Variants in ADGB observed in about 807,000 individuals in gnomAD.
ADGB encodes the protein calpain-7-like protein.
In ADGB, 172 loss-of-function variants were observed where a neutral mutation model predicts 210.5. The observed-to-expected ratio is 0.82, with a 90% CI of 0.72 to 0.93. The LOEUF (loss-of-function observed/expected upper bound fraction) is 0.93, where lower values mean the gene tolerates loss of function less well. Ranked by LOEUF, ADGB falls within the 40% of genes least tolerant of loss-of-function variation. ADGB has a pLI of 0.00. For missense variants in ADGB, 2,025 were observed against 1,964.8 expected (o/e 1.03, Z -0.58); for synonymous variants, 658 against 662.7 (o/e 0.99, Z 0.11).
intron 1 of ADGB, among the ~76,000 whole-genome samples, chr6:146,617,516 A>C (rs1188458071): frequency 6.6e-6 from 1 of 152,100 alleles, no homozygotes; most frequent in East Asian, 1.9e-4. Flanking sequence ...GTCTTGTTCC[A>C]GATATTAGAG....
intron 1 of ADGB, among the ~76,000 whole-genome samples, chr6:146,626,399 C>T (rs1385276923): frequency 2.6e-5 from 4 of 151,772 alleles, no homozygotes; most frequent in Non-Finnish European, 5.9e-5. Flanking sequence ...CATCTGCTAT[C>T]ATTTTTCTTC....
chr6:146,683,677 G>T (rs75379055), intron 9 of ADGB, among the ~76,000 whole-genome samples: 6,617 of 151,942 alleles, frequency 0.044, 392 homozygotes, highest in African/African-American at 0.14. Context: ...TAAAGTTATT[G>T]TTTTCTAAGA....
intron 12 of ADGB, among the ~76,000 whole-genome samples, chr6:146,700,651 A>G (rs1230223766): frequency 2.0e-5 from 3 of 152,116 alleles, no homozygotes; most frequent in East Asian, 3.9e-4. Context: ...CACATATCAA[A>G]TTTCTGTTTT....
intron 3 of ADGB, among the ~76,000 whole-genome samples, chr6:146,646,963 A>T (rs1326721462): frequency 2.6e-5 from 4 of 151,792 alleles, no homozygotes; most frequent in South Asian, 2.1e-4. Context: ...GTAATGCATG[A>T]CTGTAATCCC....
chr6:146,642,188 C>T (rs936691280), intron 2 of ADGB, among the ~76,000 whole-genome samples: 4 of 151,066 alleles, frequency 2.6e-5, no homozygotes, highest in Admixed American at 6.6e-5. Context: ...TTAGAAATAC[C>T]ATTTCACACC....
chr6:146,669,258 G>A (rs1775975237), intron 7 of ADGB, among the ~76,000 whole-genome samples: 1 of 152,096 alleles, frequency 6.6e-6, no homozygotes, highest in South Asian at 2.1e-4. Context: ...GGGATGAATA[G>A]GAGGCAGTTC....
At chr6:146,698,214 A>G (rs747836704) in intron 12 of ADGB, among the ~76,000 whole-genome samples, 1 of 152,344 alleles carries the variant, frequency 6.6e-6, no homozygotes, top group East Asian at 1.9e-4. Context: ...GCAAGTGTAC[A>G]TTCATTGTTT....
At chr6:146,813,855 T>C (rs578192513) in intron 35 of ADGB, among the ~76,000 whole-genome samples, 2 of 152,296 alleles carry the variant, frequency 1.3e-5, no homozygotes, top group South Asian at 4.1e-4. Context: ...CACTCCCATT[T>C]ATGTGTGAGG....
chr6:146,732,163 C>A (rs1452154115), intron 20 of ADGB, among the ~76,000 whole-genome samples: 1 of 152,198 alleles, frequency 6.6e-6, no homozygotes, highest in African/African-American at 2.4e-5. Context: ...TATAATGCAA[C>A]TCTTGATCCA....
At chr6:146,631,971 A>C (rs1393556737) in intron 1 of ADGB, among the ~76,000 whole-genome samples, 15 of 151,750 alleles carry the variant, frequency 9.9e-5, no homozygotes, top group South Asian at 8.3e-4. Flanking sequence ...ATTAAAAAAA[A>C]AAAAAAACAA....
intron 33 of ADGB, among the ~76,000 whole-genome samples, chr6:146,790,695 G>A (rs1278714373): frequency 6.6e-6 from 1 of 152,050 alleles, no homozygotes; most frequent in Non-Finnish European, 1.5e-5. Context: ...AATTCCTTTG[G>A]ATATATACCC....
chr6:146,618,646 T>G (rs1172601177), intron 1 of ADGB, among the ~76,000 whole-genome samples: 2 of 151,390 alleles, frequency 1.3e-5, no homozygotes, highest in Non-Finnish European at 3.0e-5. Flanking sequence ...TTAATCACCA[T>G]GAATTTTTAC....
chr6:146,616,915 T>G (rs1393224180), intron 1 of ADGB, among the ~76,000 whole-genome samples: 3 of 152,128 alleles, frequency 2.0e-5, no homozygotes, highest in Non-Finnish European at 4.4e-5. Flanking sequence ...TGAGGATTGC[T>G]TTGGTTATTC....
rs559025306 is a variant in ADGB at position 146,699,668 on chromosome 6, C to T, written c.1578-1273C>T. ...CAAGATGGCACCTAAAATTCACCACCACACTCTCTAAGATGATGATTTTGC... is the reference window on the plus strand; with the variant it reads ...CAAGATGGCACCTAAAATTCACCACTACACTCTCTAAGATGATGATTTTGC... On this transcript the variant is annotated intron_variant, in intron 12 of 35. Coordinates refer to ENST00000397944, the MANE Select transcript of ADGB (RefSeq NM_024694.4). Among the ~76,000 whole-genome samples the T allele has an allele frequency of 5.4e-5, 8 of 149,532 alleles. No individual in the cohort carries two copies. The South Asian group carries it at 6.2e-4, about 12-fold the overall frequency.
Position 146,745,925 on chromosome 6 carries a change from G to T in ADGB, c.3181G>T (p.Gly1061Ter). The T allele has an allele frequency of 6.5e-7, 1 of 1,543,168 alleles. No individual in the cohort carries two copies. Among genetic ancestry groups the T allele is most frequent in the Non-Finnish European group, 8.8e-7 (1 of 1,142,690 alleles). The change falls in exon 26 of 36, where the codon GGA becomes TGA. Residue 1061 changes from glycine (G) to a stop codon, truncating the protein, a stop_gained. Coordinates refer to ENST00000397944, the MANE Select transcript of ADGB (RefSeq NM_024694.4). LOFTEE classifies it high-confidence loss of function. ...VPYLYTKNKK[G>*]YTFVAEAFTG... is the part of the protein sequence containing the mutation. ...GTGTAATTTGTCTTTCTTATAGAAGGGATACACTTTTGTGGCGGAAGCATT... is the reference window on the plus strand; with the variant it reads ...GTGTAATTTGTCTTTCTTATAGAAGTGATACACTTTTGTGGCGGAAGCATT...
intron 32 of ADGB, 138 bp downstream of exon 32, chr6:146,785,850 C>T (rs1276669055): frequency 1.5e-6 from 1 of 656,530 alleles, no homozygotes; most frequent in Non-Finnish European, 2.6e-6. Flanking sequence ...TAAAAAGTCG[C>T]ACAATTTCAG....
Position 146,721,695 on chromosome 6 carries a change from A to G in ADGB, c.2095+190A>G, listed in dbSNP as rs867220544. On this transcript the variant is annotated intron_variant, in intron 17 of 35. Transcript: ENST00000397944. ...TCTACTAAAAATACCAAAATTAGCC[A>G]GGCGTGATGGCACGTACCTGTATTC... Among the ~76,000 whole-genome samples the G allele has an allele frequency of 5.5e-4, 83 of 152,154 alleles. 1 individual carries two copies. Among genetic ancestry groups the G allele is most frequent in the Admixed American group, 2.9e-3 (45 of 15,288 alleles).
rs1228605318 is a variant in ADGB, at chr6:146,664,262, T to C, written c.674T>C (p.Leu225Ser). The change falls in exon 6 of 36, where the codon TTG becomes TCG. Residue 225 changes from leucine (L) to serine (S), a missense_variant. By Grantham distance (145) the Leu-to-Ser change is moderately radical. Transcript: ENST00000397944. ...CCTTTTGATGAAGATAACAATCTAT[T>C]GCTTCCAGCTACAACTTATGAATTT... ...FLPFDEDNNLLLPATTYEFEL... is the reference protein window; with the variant it reads ...FLPFDEDNNLSLPATTYEFEL... 3.9e-6 allele frequency: 6 copies of C among 1,549,874 alleles called. No individual in the cohort carries two copies. The highest frequency in any genetic ancestry group is 2.5e-5 in the East Asian group (1 of 40,814).
chr6:146,609,587 C>CG (rs1355489028), intron 1 of ADGB, among the ~76,000 whole-genome samples: 2 of 152,124 alleles, frequency 1.3e-5, no homozygotes, highest in Non-Finnish European at 2.9e-5. Context: ...CAGCAACAGT[C>CG]TTTCATTTCC....
Sources: gnomAD v4.1 joint callset for allele counts (sites outside exome capture counted in the v4.1 genomes callset) on GRCh38, gnomAD v4.1.1 for gene constraint, MANE v1.5 for transcripts, NCBI Gene and HGNC (gene_info 2026-07-23, HGNC 2026-07-21) for gene names.